ADAMTS12: variants seen among roughly 807,000 people sequenced by gnomAD.
ADAMTS12 encodes ADAM metallopeptidase with thrombospondin type 1 motif 12.
In ADAMTS12, 118 loss-of-function variants were observed where a neutral mutation model predicts 167.8. That is an observed-to-expected ratio of 0.70 (90% CI 0.61 to 0.82). The LOEUF (loss-of-function observed/expected upper bound fraction) is 0.82. Among genes scored for constraint, ADAMTS12 ranks in the 40% least tolerant of loss-of-function variants. The pLI is 0.00. For synonymous variants in ADAMTS12, 704 were observed against 716.9 expected, an observed-to-expected ratio of 0.98 and a Z score of 0.29; for missense variants, 1,916 against 1,998.8, an observed-to-expected ratio of 0.96 and a Z score of 0.79.
chr5:33,824,265 C>G (rs1263132782), intron 2 of ADAMTS12, among the ~76,000 whole-genome samples: 1 of 152,156 alleles, frequency 6.6e-6, no homozygotes, highest in East Asian at 1.9e-4. Context: ...CCCTAGACTT[C>G]TATGCTACCT....
Position 33,545,180 on chromosome 5 carries a change from C to T in ADAMTS12, c.4446+879G>A, listed in dbSNP as rs555723176. ...ATTTACAAGAAAACAAACAAGCAAC[C>T]CCATCAAAAAGTGGGCAAAGGATAT... is the stretch of plus-strand genomic sequence containing the variant. On this transcript the variant is annotated intron_variant, in intron 22 of 23. Transcript: ENST00000504830. 2.5e-4 allele frequency among the ~76,000 whole-genome samples: 38 copies of T among 152,214 alleles called. No individual in the cohort carries two copies. In the South Asian group the frequency reaches 3.7e-3, roughly 15 times the overall value.
In ADAMTS12 at chr5:33,549,192, T is replaced by C; in HGVS notation, c.4302+15A>G. The C allele has an allele frequency of 6.2e-7, 1 of 1,609,820 alleles. No homozygotes were observed. The highest frequency in any genetic ancestry group is 8.5e-7 in the Non-Finnish European group (1 of 1,176,692). ...AGGTTGTGTGAGGACATCTCTCCCT[T>C]TGTGGGGGACCTACCTGGCTCCAAG... On this transcript the variant is annotated intron_variant, in intron 21 of 23. Transcript: ENST00000504830.
At chr5:33,588,573 G>T (rs1747474167) in intron 18 of ADAMTS12, 26 bp downstream of exon 18, 9 of 1,610,412 alleles carry the variant, frequency 5.6e-6, no homozygotes, top group African/African-American at 1.3e-5. Context: ...AATAATGCCA[G>T]TTTCCCCGCC....
intron 3 of ADAMTS12, among the ~76,000 whole-genome samples, chr5:33,746,780 T>C (rs1481057449): frequency 6.6e-6 from 1 of 152,220 alleles, no homozygotes; most frequent in African/African-American, 2.4e-5. Context: ...TGGCTGTTAG[T>C]AAGGAAAATT....
intron 2 of ADAMTS12, among the ~76,000 whole-genome samples, chr5:33,806,746 T>A (rs1747249113): frequency 6.6e-6 from 1 of 152,226 alleles, no homozygotes; most frequent in African/African-American, 2.4e-5. Context: ...GAGTTTACAT[T>A]TCTTTTAAGA....
chr5:33,569,910 T>C (rs1174577860), intron 19 of ADAMTS12, among the ~76,000 whole-genome samples: 1 of 152,232 alleles, frequency 6.6e-6, no homozygotes, highest in African/African-American at 2.4e-5. Flanking sequence ...AAGGAGCTGA[T>C]GGAGCTGAAA....
Position 33,630,776 on chromosome 5 carries a change from A to G in ADAMTS12, c.2022+4T>C. Reference sequence around the variant, plus strand: ...GTTGTAGATTAAGGAAACATACCCAATACCTTACATATGCCATTAATACAG... The same window carrying G: ...GTTGTAGATTAAGGAAACATACCCAGTACCTTACATATGCCATTAATACAG... On this transcript the variant is annotated splice_donor_region_variant and intron_variant, in intron 13 of 23. Transcript: ENST00000504830. The G allele has an allele frequency of 6.2e-7, 1 of 1,611,584 alleles. No individual in the cohort carries two copies. Among genetic ancestry groups the G allele is most frequent in the Non-Finnish European group, 8.5e-7 (1 of 1,178,000 alleles).
intron 3 of ADAMTS12, among the ~76,000 whole-genome samples, chr5:33,739,537 CA>C: frequency 6.6e-6 from 1 of 152,220 alleles, no homozygotes; most frequent in Admixed American, 6.5e-5. Context: ...GATAAGGAGC[CA>C]TGCCCTGAAT....
chr5:33,758,472 G>A (rs1745240273), intron 2 of ADAMTS12, among the ~76,000 whole-genome samples: 1 of 152,194 alleles, frequency 6.6e-6, no homozygotes, highest in Non-Finnish European at 1.5e-5. Context: ...TGGCAGGCAG[G>A]CAATGGAGTA....
chr5:33,571,487 C>T (rs377732450), intron 19 of ADAMTS12, among the ~76,000 whole-genome samples: 8 of 152,020 alleles, frequency 5.3e-5, no homozygotes, highest in East Asian at 1.9e-4. Flanking sequence ...AACCTGCTCC[C>T]GAATGACTAC....
At chr5:33,595,459 A>G (rs1747875975) in intron 17 of ADAMTS12, among the ~76,000 whole-genome samples, 1 of 152,162 alleles carries the variant, frequency 6.6e-6, no homozygotes, top group Non-Finnish European at 1.5e-5. Flanking sequence ...CCCCCACAAC[A>G]AAGAGTCAGC....
chr5:33,743,282 G>T (rs77860675), intron 3 of ADAMTS12, among the ~76,000 whole-genome samples: 6 of 152,210 alleles, frequency 3.9e-5, no homozygotes, highest in South Asian at 2.1e-4. Context: ...AGTCCAGGGT[G>T]GGGGAAGGCA....
chr5:33,647,636 T>C lies in ADAMTS12; in HGVS notation c.1479+1186A>G, dbSNP rs189062459. The stretch of plus-strand genomic sequence containing the variant: ...ATCCCAGCTACTTGGGAGGCTGAGG[T>C]ACGAGAATTGCTTGAACTGGGGAGG... On this transcript the variant is annotated intron_variant, in intron 9 of 23. Coordinates refer to ENST00000504830, the MANE Select transcript of ADAMTS12 (RefSeq NM_030955.4). 5.0e-3 allele frequency among the ~76,000 whole-genome samples: 760 copies of C among 152,150 alleles called. 1 individual carries two copies. The highest frequency in any genetic ancestry group is 8.6e-3 in the Non-Finnish European group (586 of 67,970).
chr5:33,572,333 G>T (rs1263286007), intron 19 of ADAMTS12, among the ~76,000 whole-genome samples: 1 of 152,118 alleles, frequency 6.6e-6, no homozygotes, highest in Middle Eastern at 3.4e-3. Flanking sequence ...GATGAACATT[G>T]ATGCAAAAAT....
In ADAMTS12 at chr5:33,526,568, A is replaced by G. The variant is rs1743820424; in HGVS notation, c.*620T>C. On this transcript the variant is annotated 3_prime_UTR_variant, in exon 24 of 24. Coordinates refer to ENST00000504830, the MANE Select transcript of ADAMTS12 (RefSeq NM_030955.4). ...AGTCTAGTGTCCCAAGGTTGGCAGG[A>G]GACTCTAAGCAGCCCAGATATGGAG... 6.6e-6 allele frequency: 1 copy of G among 152,260 alleles called. No individual in the cohort carries two copies. Among genetic ancestry groups the G allele is most frequent in the African/African-American group, 2.4e-5 (1 of 41,436 alleles). 9.4% of individuals were successfully genotyped at this position (152,260 alleles called of 1,614,324 possible).
chr5:33,712,791 A>T (rs1743450565), intron 3 of ADAMTS12, among the ~76,000 whole-genome samples: 1 of 152,056 alleles, frequency 6.6e-6, no homozygotes, highest in Admixed American at 6.6e-5. Flanking sequence ...GCTGGTTGAG[A>T]TGGGTTAGTA....
chr5:33,548,279 G>A (rs1227845183), intron 21 of ADAMTS12, among the ~76,000 whole-genome samples: 3 of 152,176 alleles, frequency 2.0e-5, no homozygotes, highest in Non-Finnish European at 2.9e-5. Context: ...AATCAAAGAT[G>A]AGCAATCAAA....
chr5:33,797,281 T>C (rs1417127525), intron 2 of ADAMTS12, among the ~76,000 whole-genome samples: 4 of 152,124 alleles, frequency 2.6e-5, no homozygotes, highest in Non-Finnish European at 4.4e-5. Flanking sequence ...TGAAGAGGGC[T>C]CCTGCCCTAT....
chr5:33,660,152 G>C (rs1402995315), intron 6 of ADAMTS12, among the ~76,000 whole-genome samples: 1 of 152,190 alleles, frequency 6.6e-6, no homozygotes, highest in Non-Finnish European at 1.5e-5. Flanking sequence ...TCTAGGAGCT[G>C]TTGAGGTTCA....
Sources: allele counts gnomAD v4.1 joint callset (sites outside exome capture counted in the v4.1 genomes callset), GRCh38; gene constraint gnomAD v4.1.1; transcripts MANE v1.5; gene names NCBI Gene and HGNC (gene_info 2026-07-23, HGNC 2026-07-21).